GSTM2: variants seen among roughly 807,000 people sequenced by gnomAD.
GSTM2 encodes glutathione S-transferase mu 2, also known as GST class-mu 2.
A neutral mutation model predicts 33.3 loss-of-function variants in GSTM2; 33 were observed. That is an observed-to-expected ratio of 0.99 (90% CI 0.75 to 1.33). The LOEUF is 1.33. Ranked by LOEUF, GSTM2 falls within the 40% of genes most tolerant of loss-of-function variation. The probability of loss-of-function intolerance (pLI) is 0.00; values close to 1 mark genes in which losing one functional copy is unlikely to be tolerated. For missense variants in GSTM2, 213 were observed against 265.8 expected (o/e 0.80, Z 1.38); for synonymous variants, 93 against 95.6 (o/e 0.97, Z 0.16).
intron 7 of GSTM2, chr1:109,673,125 C>T: frequency 1.3e-6 from 2 of 1,570,054 alleles, no homozygotes; most frequent in Non-Finnish European, 1.7e-6. Context: ...CCACCTCAGC[C>T]TCCCTAAGTG....
chr1:109,671,204 C>G (rs1023093572), intron 5 of GSTM2, 83 bp from the exon 6 acceptor site: 10 of 963,158 alleles, frequency 1.0e-5, no homozygotes, highest in Non-Finnish European at 1.7e-5. Context: ...CCGCGGCCAG[C>G]TGGGGCCATG....
chr1:109,668,424 G>C lies in GSTM2; in HGVS notation c.37-1G>C. The stretch of plus-strand genomic sequence containing the variant: ...CCCGAGCTGTGGGCCATCTCTCCCA[G>C]CTGGCCCATTCCATCCGCCTGCTCC... On this transcript the variant is annotated splice_acceptor_variant, in intron 1 of 7. Transcript: ENST00000241337. LOFTEE classifies it high-confidence loss of function. 6.2e-7 allele frequency: 1 copy of C among 1,614,028 alleles called. No homozygotes were observed. Among genetic ancestry groups the C allele is most frequent in the Non-Finnish European group, 8.5e-7 (1 of 1,179,902 alleles).
In GSTM2 at chr1:109,669,463, G is replaced by C. The variant is rs372564417; in HGVS notation, c.260-8G>C. Reference sequence around the variant, plus strand: ...GAGGCTGAGAGTGAATCTGCTTTACGAGGGTAGGCGGGGAATCAGAAAAGG... The same window carrying C: ...GAGGCTGAGAGTGAATCTGCTTTACCAGGGTAGGCGGGGAATCAGAAAAGG... On this transcript the variant is annotated splice_region_variant and splice_polypyrimidine_tract_variant and intron_variant, in intron 4 of 7. Coordinates refer to ENST00000241337, the MANE Select transcript of GSTM2 (RefSeq NM_000848.4). The C allele has an allele frequency of 3.7e-6, 6 of 1,613,798 alleles. No homozygotes were observed. The highest frequency in any genetic ancestry group is 5.1e-6 in the Non-Finnish European group (6 of 1,179,694).
At chr1:109,680,461 C>A (rs1198305041) in intron 7 of GSTM2, among the ~76,000 whole-genome samples, 1 of 147,388 alleles carries the variant, frequency 6.8e-6, no homozygotes, top group African/African-American at 2.5e-5. Flanking sequence ...TATTATCTTT[C>A]CTGGTAAATC....
intron 7 of GSTM2, among the ~76,000 whole-genome samples, chr1:109,674,161 C>G (rs1360657428): frequency 6.6e-6 from 1 of 152,150 alleles, no homozygotes; most frequent in Non-Finnish European, 1.5e-5. Flanking sequence ...GTGTTCAGAG[C>G]CCCTTTGTTC....
chr1:109,669,883 G>T lies in GSTM2; in HGVS notation c.360+312G>T. The T allele has an allele frequency of 6.4e-6, 2 of 314,254 alleles. 1 individual carries two copies. The highest frequency in any genetic ancestry group is 1.9e-3 in the Middle Eastern group (2 of 1,058). 19.5% of individuals were successfully genotyped at this position (314,254 alleles called of 1,614,324 possible). A position where few individuals can be genotyped will look rare whatever the true frequency, so the allele number is the denominator to read the frequency against. On this transcript the variant is annotated intron_variant, in intron 5 of 7. Transcript: ENST00000241337. Reference sequence around the variant, plus strand: ...AGCTCTTAAAGGTGGCGCGTCTGGAGTTGTTTATTCCTCTTGGTGGGTTCA... The same window carrying T: ...AGCTCTTAAAGGTGGCGCGTCTGGATTTGTTTATTCCTCTTGGTGGGTTCA...
chr1:109,669,882 A>AGTT (rs1647468076), intron 5 of GSTM2: 1 of 312,724 alleles, frequency 3.2e-6, no homozygotes, highest in Non-Finnish European at 5.9e-6. Flanking sequence ...GCGCGTCTGG[A>AGTT]GTTGTTTATT....
Position 109,671,537 on chromosome 1 carries a change from G to A in GSTM2, c.521G>A (p.Cys174Tyr). The A allele has an allele frequency of 6.2e-7, 1 of 1,613,340 alleles. No individual in the cohort carries two copies. The highest frequency in any genetic ancestry group is 8.5e-7 in the Non-Finnish European group (1 of 1,179,256). The part of the protein sequence containing the change: ...LERNQVFEPS[C>Y]LDAFPNLKDF... Reference sequence around the variant, plus strand: ...AGAAACCAAGTATTTGAGCCCAGCTGCCTGGATGCCTTCCCAAACCTGAAG... The same window carrying A: ...AGAAACCAAGTATTTGAGCCCAGCTACCTGGATGCCTTCCCAAACCTGAAG... Residue 174 changes from cysteine (C) to tyrosine (Y), a missense_variant, in exon 7 of 8, where the codon TGC becomes TAC. Transcript: ENST00000241337.
In GSTM2 at chr1:109,668,999, G is replaced by C; in HGVS notation, c.177+10G>C. The C allele has an allele frequency of 6.2e-7, 1 of 1,611,738 alleles. No individual in the cohort carries two copies. The highest frequency in any genetic ancestry group is 1.1e-5 in the South Asian group (1 of 90,980). ...CCTGGACTTTCCCAATGTAGGTGCA[G>C]GGGAAGGGGCGGTTTTGGGGGAAAG... On this transcript the variant is annotated intron_variant, in intron 3 of 7. Coordinates refer to ENST00000241337, the MANE Select transcript of GSTM2 (RefSeq NM_000848.4).
chr1:109,679,935 C>T (rs1647817191), downstream of GSTM2, among the ~76,000 whole-genome samples: 1 of 152,132 alleles, frequency 6.6e-6, no homozygotes, highest in Admixed American at 6.5e-5. Context: ...GAGAAAAAGA[C>T]AGAGGAAGGG....
At chr1:109,672,627 C>T (rs1647586733) in intron 7 of GSTM2, among the ~76,000 whole-genome samples, 1 of 152,204 alleles carries the variant, frequency 6.6e-6, no homozygotes, top group Admixed American at 6.5e-5. Flanking sequence ...CAGAGCACTT[C>T]AGGACCACGG....
rs906271403 is a variant in GSTM2, at chr1:109,681,520, AATAAT to A, written c.567+9942_567+9946del. 1.0e-4 allele frequency among the ~76,000 whole-genome samples: 15 copies of A among 148,058 alleles called. 1 individual carries two copies. The highest frequency in any genetic ancestry group is 1.5e-4 in the African/African-American group (6 of 39,534). On this transcript the variant is annotated intron_variant, in intron 7 of 7. Coordinates refer to the GSTM2 transcript ENST00000369831. ...TTTTGATGGAACATTTATTTAAGTT[AATAAT>A]ATAAGTATCATTAATACCTAATAAT...
chr1:109,669,372 G>A lies in GSTM2; in HGVS notation c.259+1G>A. The A allele has an allele frequency of 6.2e-7, 1 of 1,614,248 alleles. No individual in the cohort carries two copies. The highest frequency in any genetic ancestry group is 8.5e-7 in the Non-Finnish European group (1 of 1,180,040). Reference sequence around the variant, plus strand: ...TACATTGCCCGCAAGCACAACCTGTGTGAGTAGATTTGGTTGCAAGATGCG... The same window carrying A: ...TACATTGCCCGCAAGCACAACCTGTATGAGTAGATTTGGTTGCAAGATGCG... On this transcript the variant is annotated splice_donor_variant, in intron 4 of 7. Transcript: ENST00000241337. LOFTEE classifies it high-confidence loss of function.
At chr1:109,680,193 A>AT (rs564190451), downstream of GSTM2, among the ~76,000 whole-genome samples, 497 of 151,990 alleles carry the variant, frequency 3.3e-3, no homozygotes, top group African/African-American at 0.01. Context: ...AGATAAATAA[A>AT]TTTGTAAATA....
intron 7 of GSTM2, among the ~76,000 whole-genome samples, chr1:109,672,232 A>G (rs1477222487): frequency 6.6e-6 from 1 of 152,124 alleles, no homozygotes; most frequent in African/African-American, 2.4e-5. Flanking sequence ...GTGAGCCAAG[A>G]TCGTGCCATT....
At chr1:109,680,237 G>A (rs575604443), downstream of GSTM2, among the ~76,000 whole-genome samples, 2 of 150,702 alleles carry the variant, frequency 1.3e-5, no homozygotes, top group East Asian at 3.9e-4. Flanking sequence ...TATCTTAGTG[G>A]TGTCACTTCA....
chr1:109,669,433 G>T, intron 4 of GSTM2, 38 bp from the exon 5 acceptor site: 1 of 1,613,100 alleles, frequency 6.2e-7, no homozygotes. Flanking sequence ...GCTTGGCTGG[G>T]CTGTGAGGCT....
chr1:109,668,187 G>C (rs1647404166), intron 1 of GSTM2, 36 bp downstream of exon 1: 1 of 1,540,860 alleles, frequency 6.5e-7, no homozygotes, highest in African/African-American at 1.4e-5. Flanking sequence ...GGACGGGGGT[G>C]CGTGGGGGCG....
intron 7 of GSTM2, among the ~76,000 whole-genome samples, chr1:109,672,417 C>T (rs575648525): frequency 2.6e-5 from 4 of 152,276 alleles, no homozygotes; most frequent in Non-Finnish European, 5.9e-5. Context: ...GAATTATCTC[C>T]CCCATTTTAG....
Sources: allele counts gnomAD v4.1 joint callset (sites outside exome capture counted in the v4.1 genomes callset), GRCh38; gene constraint gnomAD v4.1.1; transcripts MANE v1.5; gene names NCBI Gene and HGNC (gene_info 2026-07-23, HGNC 2026-07-21).